The following DYNC2H1 variants were observed in gnomAD, a reference collection of about 807,000 sequenced individuals.
DYNC2H1 encodes cytoplasmic dynein 2 heavy chain 1.
In DYNC2H1, 410 loss-of-function variants were observed where a neutral mutation model predicts 570.0. The ratio of observed to expected loss-of-function variants is 0.72; its 90% confidence interval spans 0.66 to 0.78. The LOEUF (loss-of-function observed/expected upper bound fraction) is 0.78, where lower values mean the gene tolerates loss of function less well. Among genes scored for constraint, DYNC2H1 ranks in the 30% least tolerant of loss-of-function variants. The probability of loss-of-function intolerance (pLI) is 0.00; values close to 1 mark genes in which losing one functional copy is unlikely to be tolerated. For missense variants in DYNC2H1, 4,865 were observed against 5,046.4 expected (o/e 0.96, Z 1.09); for synonymous variants, 1,688 against 1,677.6 (o/e 1.01, Z -0.15).
intron 54 of DYNC2H1, among the ~76,000 whole-genome samples, chr11:103,214,931 T>C (rs949062399): frequency 1.2e-4 from 18 of 152,098 alleles, no homozygotes; most frequent in Non-Finnish European, 2.2e-4. Flanking sequence ...AGGATTGCCT[T>C]CTTAATTTCT....
In DYNC2H1 at chr11:103,326,338, G is replaced by A. The variant is rs967538025; in HGVS notation, c.12039+2348G>A. Among the ~76,000 whole-genome samples, 1 of 152,146 alleles carries A rather than the reference G, an allele frequency of 6.6e-6. No homozygotes were observed. The highest frequency in any genetic ancestry group is 2.4e-5 in the African/African-American group (1 of 41,438). ...CTTCCCCGGGTTTCTTTTGCTATGT[G>A]TTCGGGGTGGTTGGGCTCCCTCTGA... On this transcript the variant is annotated intron_variant, in intron 82 of 88. Coordinates refer to ENST00000375735, the MANE Select transcript of DYNC2H1 (RefSeq NM_001377.3). The surrounding 1 kb of genome is among the most constrained non-coding windows in gnomAD (Gnocchi z 6.1).
chr11:103,235,610 A>AT lies in DYNC2H1; in HGVS notation c.9568-58dup, dbSNP rs1197529424. ...TCACAGTCAAAACCATAAAACTGTC[A>AT]TTTTCTTTAATGTTAGAACATACTC... is the stretch of plus-strand genomic sequence containing the variant. On this transcript the variant is annotated intron_variant, in intron 61 of 88. Transcript: ENST00000375735. 3.5e-6 allele frequency: 5 copies of AT among 1,446,968 alleles called. No individual in the cohort carries two copies. The African/African-American group carries it at 5.7e-5, about 16-fold the overall frequency. The allele number at this position is 1,446,968 out of a possible 1,614,324, so 89.6% of individuals were successfully genotyped here.
At chr11:103,135,418 G>A in intron 15 of DYNC2H1, 77 bp from the exon 16 acceptor site, 3 of 1,286,574 alleles carry the variant, frequency 2.3e-6, no homozygotes, top group African/African-American at 1.5e-5. Flanking sequence ...TGTGCATTAT[G>A]TGACATGAAA....
intron 67 of DYNC2H1, among the ~76,000 whole-genome samples, chr11:103,255,775 A>G (rs371956728): frequency 2.0e-5 from 3 of 152,108 alleles, no homozygotes; most frequent in Admixed American, 1.3e-4. Flanking sequence ...TTATTTAATT[A>G]TATGCTAATA....
At chr11:103,377,243 T>A (rs960583090) in intron 83 of DYNC2H1, among the ~76,000 whole-genome samples, 2 of 152,190 alleles carry the variant, frequency 1.3e-5, no homozygotes, top group Non-Finnish European at 2.9e-5. Context: ...ACTCATGTAG[T>A]GCAAATATTT....
In DYNC2H1 at chr11:103,303,989, AT is replaced by A. The variant is rs562479693; in HGVS notation, c.11257-596del. Among the ~76,000 whole-genome samples the A allele has an allele frequency of 1.2e-4, 18 of 148,708 alleles. No homozygotes were observed. In the East Asian group the frequency reaches 1.6e-3, roughly 13 times the overall value. On this transcript the variant is annotated intron_variant, in intron 76 of 88. Transcript: ENST00000375735. ...AGTAAAATGTATTCATTGTAATGCC[AT>A]TTTTTTTTTCCCTGAGGTAGGAACT...
chr11:103,115,326 G>C (rs2134689844), intron 4 of DYNC2H1, 31 bp downstream of exon 4: 1 of 1,443,292 alleles, frequency 6.9e-7, no homozygotes, highest in South Asian at 1.3e-5. Context: ...GATATATTGG[G>C]CTTCTTATAA....
intron 32 of DYNC2H1, 121 bp downstream of exon 32, chr11:103,169,081 T>A: frequency 1.1e-6 from 1 of 926,284 alleles, no homozygotes; most frequent in Non-Finnish European, 1.5e-6. Context: ...TTTTTAGTAT[T>A]ATTGTCTTGT....
rs551024533 is a variant in DYNC2H1, at chr11:103,291,857, T to C, written c.11095+4252T>C. On this transcript the variant is annotated intron_variant, in intron 75 of 88. Transcript: ENST00000375735. ...TTGTCTTGAAATCTCTTTTATCTGA[T>C]ATAATTATAGCTACTTCTTCTCTTT... Among the ~76,000 whole-genome samples, 25 of 152,056 alleles carry C rather than the reference T, an allele frequency of 1.6e-4. No homozygotes were observed. In the East Asian group the frequency reaches 4.0e-3, roughly 25 times the overall value.
intron 20 of DYNC2H1, among the ~76,000 whole-genome samples, chr11:103,149,589 A>T (rs1356594489): frequency 6.6e-6 from 1 of 152,232 alleles, no homozygotes; most frequent in African/African-American, 2.4e-5. Context: ...AAGGTGAATA[A>T]AATAATGTAT....
chr11:103,149,761 C>T (rs1485935182), intron 20 of DYNC2H1, among the ~76,000 whole-genome samples: 4 of 151,472 alleles, frequency 2.6e-5, no homozygotes, highest in Non-Finnish European at 4.4e-5. Flanking sequence ...GGAACATACA[C>T]GTGTGTGCGT....
chr11:103,177,832 T>G lies in DYNC2H1; in HGVS notation c.6139+12T>G. The G allele has an allele frequency of 6.3e-7, 1 of 1,588,256 alleles. No homozygotes were observed. Among genetic ancestry groups the G allele is most frequent in the East Asian group, 2.3e-5 (1 of 44,422 alleles). On this transcript the variant is annotated intron_variant, in intron 38 of 88. Transcript: ENST00000375735. This position sits in a 1 kb window ranked among gnomAD's most constrained non-coding sequence, Gnocchi z 4.4. ...TCGGGAACCTCAAGGTTAGTCTCTA[T>G]GTATACTTCTTTGCTTTACTTAGTA...
intron 36 of DYNC2H1, 78 bp downstream of exon 36, chr11:103,174,248 G>T: frequency 7.9e-7 from 1 of 1,272,560 alleles, no homozygotes; most frequent in South Asian, 1.5e-5. Flanking sequence ...GAGATTTACA[G>T]AAAAGTTGTA....
intron 83 of DYNC2H1, among the ~76,000 whole-genome samples, chr11:103,384,400 G>A (rs530361868): frequency 6.6e-6 from 1 of 151,956 alleles, no homozygotes; most frequent in South Asian, 2.1e-4. Context: ...TTTTCTATGG[G>A]TGCCTCTTAT....
chr11:103,448,066 A>G (rs1388090294), intron 85 of DYNC2H1, among the ~76,000 whole-genome samples: 3 of 152,186 alleles, frequency 2.0e-5, no homozygotes, highest in Non-Finnish European at 4.4e-5. Context: ...AAAATTCTTC[A>G]GAAATTTTTT....
rs899948233 is a variant in DYNC2H1 at position 103,354,190 on chromosome 11, A to T, written c.12040-4053A>T. Among the ~76,000 whole-genome samples the T allele has an allele frequency of 1.8e-3, 274 of 151,152 alleles. 4 individuals carry two copies. Among genetic ancestry groups the T allele is most frequent in the African/African-American group, 6.0e-3 (246 of 41,192 alleles). On this transcript the variant is annotated intron_variant, in intron 82 of 88. Coordinates refer to ENST00000375735, the MANE Select transcript of DYNC2H1 (RefSeq NM_001377.3). ...AGGCTCTGTCTCAAAACAAAAAAAA[A>T]AAAAAAAAAAAATCTCCTGTTTAGC...
chr11:103,111,665 G>A (rs771140485), intron 1 of DYNC2H1, among the ~76,000 whole-genome samples: 1 of 152,044 alleles, frequency 6.6e-6, no homozygotes, highest in Non-Finnish European at 1.5e-5. Context: ...ATCTTGGCTT[G>A]GGTATTTGAA....
At chr11:103,440,258 A>T (rs1268599292) in intron 85 of DYNC2H1, among the ~76,000 whole-genome samples, 1 of 152,026 alleles carries the variant, frequency 6.6e-6, no homozygotes, top group Non-Finnish European at 1.5e-5. Flanking sequence ...TGTTTAATGG[A>T]CTCCTAAATA....
At chr11:103,302,631 A>G (rs993321967) in intron 75 of DYNC2H1, among the ~76,000 whole-genome samples, 44 of 152,096 alleles carry the variant, frequency 2.9e-4, no homozygotes, top group Non-Finnish European at 1.9e-4. Flanking sequence ...ATTTACTCAG[A>G]TCATGAGAAA....
Sources: allele counts gnomAD v4.1 joint callset (sites outside exome capture counted in the v4.1 genomes callset), GRCh38; gene constraint gnomAD v4.1.1; non-coding constraint Gnocchi (gnomAD v3.1); transcripts MANE v1.5; gene names NCBI Gene and HGNC (gene_info 2026-07-23, HGNC 2026-07-21).